BTBD16: variants seen among roughly 807,000 people sequenced by gnomAD.
BTBD16 encodes the protein BTB/POZ domain-containing protein 16.
BTBD16 carries 66 observed loss-of-function variants against 67.4 expected under a neutral mutation model. The observed-to-expected ratio is 0.98, with a 90% CI of 0.80 to 1.20. BTBD16 has a LOEUF of 1.20. Among genes scored for constraint, BTBD16 ranks in the 50% most tolerant of loss-of-function variants. The probability of loss-of-function intolerance (pLI) is 0.00; values close to 1 mark genes in which losing one functional copy is unlikely to be tolerated. For synonymous variants in BTBD16, 242 were observed against 236.4 expected, an observed-to-expected ratio of 1.02 and a Z score of -0.22; for missense variants, 634 against 616.0, an observed-to-expected ratio of 1.03 and a Z score of -0.31.
chr10:122,310,171 T>C (rs920736184), intron 10 of BTBD16, among the ~76,000 whole-genome samples: 2 of 152,234 alleles, frequency 1.3e-5, no homozygotes, highest in African/African-American at 4.8e-5. Flanking sequence ...AACATTGAGA[T>C]AGCAGACACA....
rs779079665 is a variant in BTBD16, at chr10:122,276,943, T to C, written c.167+4T>C. The C allele has an allele frequency of 1.9e-6, 3 of 1,612,734 alleles. No individual in the cohort carries two copies. Among genetic ancestry groups the C allele is most frequent in the Admixed American group, 1.7e-5 (1 of 59,902 alleles). On this transcript the variant is annotated splice_donor_region_variant and intron_variant, in intron 3 of 15. Coordinates refer to ENST00000260723, the MANE Select transcript of BTBD16 (RefSeq NM_144587.5). ...AAGCTTTGAGGAACCCAGACAGGTATGGAGACTCAAAGGTTTGTGGGAGGG... is the reference window on the plus strand; with the variant it reads ...AAGCTTTGAGGAACCCAGACAGGTACGGAGACTCAAAGGTTTGTGGGAGGG...
chr10:122,325,939 G>A (rs749792922), intron 10 of BTBD16, among the ~76,000 whole-genome samples: 1 of 151,924 alleles, frequency 6.6e-6, no homozygotes, highest in Admixed American at 6.6e-5. Flanking sequence ...GCCTCCCAAA[G>A]TGCTGGGATT....
At chr10:122,315,390 T>C (rs2096422200) in intron 10 of BTBD16, among the ~76,000 whole-genome samples, 1 of 152,246 alleles carries the variant, frequency 6.6e-6, no homozygotes, top group Admixed American at 6.5e-5. Context: ...TCCTCTTTTA[T>C]GTCACTGAAT....
In BTBD16 at chr10:122,323,562, T is replaced by C. The variant is rs182812315; in HGVS notation, c.912-5918T>C. Among the ~76,000 whole-genome samples, 24 of 152,260 alleles carry C rather than the reference T, an allele frequency of 1.6e-4. No homozygotes were observed. In the East Asian group the frequency reaches 4.6e-3, roughly 29 times the overall value. Reference sequence around the variant, plus strand: ...GGTCAGTATTATTAGAAGCAGAAAATGTCTTCCCACCTTCAAAAACCCTTC... The same window carrying C: ...GGTCAGTATTATTAGAAGCAGAAAACGTCTTCCCACCTTCAAAAACCCTTC... On this transcript the variant is annotated intron_variant, in intron 10 of 15. Coordinates refer to ENST00000260723, the MANE Select transcript of BTBD16 (RefSeq NM_144587.5).
chr10:122,327,806 CT>C, intron 10 of BTBD16, among the ~76,000 whole-genome samples: 1 of 152,200 alleles, frequency 6.6e-6, no homozygotes. Context: ...CTCGGTTCCT[CT>C]TGCCCCTGCC....
intron 1 of BTBD16, 145 bp downstream of exon 1, chr10:122,271,659 G>GA (rs1282796611): frequency 6.6e-6 from 1 of 152,252 alleles, no homozygotes; most frequent in Non-Finnish European, 1.5e-5. Flanking sequence ...AGGGAATCAG[G>GA]AGGGGTCTGG....
intron 9 of BTBD16, among the ~76,000 whole-genome samples, chr10:122,305,830 A>G (rs1433230795): frequency 1.3e-5 from 2 of 152,210 alleles, no homozygotes; most frequent in Non-Finnish European, 2.9e-5. Flanking sequence ...ACAAGTGAGA[A>G]CATGCAGTAT....
Position 122,283,906 on chromosome 10 carries a change from A to T in BTBD16, c.223A>T (p.Ile75Phe), listed in dbSNP as rs1201542269. 1.9e-6 allele frequency: 3 copies of T among 1,613,814 alleles called. No individual in the cohort carries two copies. In the African/African-American group the frequency reaches 4.0e-5, roughly 22 times the overall value. ...FFFENFKNKDIQSGEADVILE... is the reference protein window; with the variant it reads ...FFFENFKNKDFQSGEADVILE... ...CTTTGAGAATTTCAAGAACAAGGAC[A>T]TCCAAAGTGGGGAAGCAGGTGAGTT... The change falls in exon 4 of 16, where the codon ATC becomes TTC. Residue 75 changes from isoleucine to phenylalanine, a missense_variant. Coordinates refer to ENST00000260723, the MANE Select transcript of BTBD16 (RefSeq NM_144587.5).
At chr10:122,313,352 C>A (rs1196582506) in intron 10 of BTBD16, among the ~76,000 whole-genome samples, 1 of 148,934 alleles carries the variant, frequency 6.7e-6, no homozygotes, top group Non-Finnish European at 1.5e-5. Context: ...GCCATCTCTG[C>A]CTCCCGGGTT....
At position 122,336,621 on chromosome 10, in the gene BTBD16, A is replaced by G. The variant is rs78626594; in HGVS notation, c.1391A>G (p.Glu464Gly). 6.2e-7 allele frequency: 1 copy of G among 1,612,060 alleles called. No individual in the cohort carries two copies. The highest frequency in any genetic ancestry group is 8.5e-7 in the Non-Finnish European group (1 of 1,179,554). The part of the protein sequence containing the change: ...AEALVDGKWQ[E>G]FRTNQIKQKF... Reference sequence around the variant, plus strand: ...GCCCTGGTTGACGGCAAGTGGCAGGAGTTCAGGACAAACCAGATCAAGCAG... The same window carrying G: ...GCCCTGGTTGACGGCAAGTGGCAGGGGTTCAGGACAAACCAGATCAAGCAG... Residue 464 changes from glutamate to glycine, a missense_variant, in exon 15 of 16, where the codon GAG becomes GGG. Transcript: ENST00000260723.
chr10:122,291,102 C>A lies in BTBD16; in HGVS notation c.498C>A (p.Asn166Lys), dbSNP rs2096373116. Residue 166 changes from asparagine (N) to lysine (K), a missense_variant, in exon 7 of 16, where the codon AAC becomes AAA. Physicochemically the swap from Asn to Lys is moderately conservative, Grantham distance 94 (BLOSUM62 0). Coordinates refer to ENST00000260723, the MANE Select transcript of BTBD16 (RefSeq NM_144587.5). ...TKVAFATALK[N>K]LYMSEVEINL... The stretch of plus-strand genomic sequence containing the variant: ...CAGCCTTCGCCACGGCCCTGAAGAA[C>A]CTCTACATGAGTGAGGTGGAGATTA... 1 of 1,612,522 alleles carries A rather than the reference C, an allele frequency of 6.2e-7. No homozygotes were observed. The highest frequency in any genetic ancestry group is 8.5e-7 in the Non-Finnish European group (1 of 1,179,436).
chr10:122,329,684 C>T (rs1048611916), intron 11 of BTBD16, 113 bp downstream of exon 11: 30 of 836,118 alleles, frequency 3.6e-5, no homozygotes, highest in South Asian at 6.3e-5. Flanking sequence ...TCACCTGAAT[C>T]GTGGCATTGT....
At chr10:122,305,701 C>T (rs1356675225) in intron 9 of BTBD16, among the ~76,000 whole-genome samples, 3 of 152,188 alleles carry the variant, frequency 2.0e-5, no homozygotes, top group Admixed American at 2.0e-4. Flanking sequence ...CAGAACAGTA[C>T]AACCCTATAC....
At chr10:122,274,916 T>G in intron 1 of BTBD16, 124 bp from the exon 2 acceptor site, 2 of 634,748 alleles carry the variant, frequency 3.2e-6, no homozygotes, top group Non-Finnish European at 5.6e-6. Flanking sequence ...GATTGATAAA[T>G]AACCCACATT....
chr10:122,329,763 C>T (rs373022052), intron 11 of BTBD16, among the ~76,000 whole-genome samples, 192 bp downstream of exon 11: 10 of 152,254 alleles, frequency 6.6e-5, no homozygotes, highest in South Asian at 2.1e-4. Context: ...GTCTGTAAAA[C>T]GAGGGTAATC....
chr10:122,277,017 CTGAT>C (rs2142043152), intron 3 of BTBD16, 78 bp downstream of exon 3: 3 of 1,516,440 alleles, frequency 2.0e-6, no homozygotes, highest in South Asian at 2.5e-5. Context: ...CCGGGCCACT[CTGAT>C]TGGCTGCAGT....
At chr10:122,330,603 A>G in intron 11 of BTBD16, among the ~76,000 whole-genome samples, 1 of 152,234 alleles carries the variant, frequency 6.6e-6, no homozygotes, top group Middle Eastern at 3.2e-3. Context: ...TTACACTTAA[A>G]TTGTACATTA....
chr10:122,326,023 C>A (rs1220401311), intron 10 of BTBD16, among the ~76,000 whole-genome samples: 1 of 149,530 alleles, frequency 6.7e-6, no homozygotes, highest in Admixed American at 6.6e-5. Context: ...GTCTTCTATG[C>A]TGAGTTATAT....
At chr10:122,329,104 C>T (rs1406839567) in intron 10 of BTBD16, among the ~76,000 whole-genome samples, 1 of 152,166 alleles carries the variant, frequency 6.6e-6, no homozygotes. Flanking sequence ...ACTATCCTTG[C>T]CCCGTCTGCC....
Sources: gnomAD v4.1 joint callset for allele counts (sites outside exome capture counted in the v4.1 genomes callset) on GRCh38, gnomAD v4.1.1 for gene constraint, MANE v1.5 for transcripts, NCBI Gene and HGNC (gene_info 2026-07-23, HGNC 2026-07-21) for gene names.